The following ARID1A variants were observed in gnomAD, a reference collection of about 807,000 sequenced individuals.
ARID1A encodes AT-rich interaction domain 1A.
A neutral mutation model predicts 212.6 loss-of-function variants in ARID1A; 20 were observed. That is an observed-to-expected ratio of 0.09 (90% confidence interval 0.07 to 0.14). ARID1A has a LOEUF of 0.14. ARID1A is among the 10% of genes least tolerant of loss of function. The probability of loss-of-function intolerance (pLI) is 1.00; values close to 1 mark genes in which losing one functional copy is unlikely to be tolerated. For missense variants in ARID1A, 2,587 were observed against 3,059.0 expected (o/e 0.85, Z 3.64); for synonymous variants, 1,376 against 1,222.1 (o/e 1.13, Z -2.63).
At position 26,756,306 on chromosome 1, in the gene ARID1A, G is replaced by A. The variant is rs1312206471; in HGVS notation, c.1921-4550G>A. On this transcript the variant is annotated intron_variant, in intron 4 of 19. Transcript: ENST00000324856. ...CGTGGTGGCTCATGCCTGTAATACC[G>A]GCATTTTGGGAGGCCAAGGTGGGCG... 4.6e-5 allele frequency among the ~76,000 whole-genome samples: 7 copies of A among 151,870 alleles called. No homozygotes were observed. In the South Asian group the frequency reaches 1.0e-3, roughly 23 times the overall value.
At chr1:26,728,119 TGTA>T (rs902365113) in intron 1 of ARID1A, among the ~76,000 whole-genome samples, 3 of 152,222 alleles carry the variant, frequency 2.0e-5, no homozygotes, top group Non-Finnish European at 2.9e-5. Flanking sequence ...AATATTGACA[TGTA>T]GTAGTGATTT....
chr1:26,736,827 A>G (rs1165336700), intron 4 of ARID1A, among the ~76,000 whole-genome samples: 1 of 146,590 alleles, frequency 6.8e-6, no homozygotes, highest in Non-Finnish European at 1.5e-5. Flanking sequence ...GCTTCAATCC[A>G]GGAGGCAGAG....
chr1:26,766,158 A>C, intron 8 of ARID1A, 63 bp from the exon 9 acceptor site: 1 of 1,554,646 alleles, frequency 6.4e-7, no homozygotes, highest in Non-Finnish European at 8.7e-7. Flanking sequence ...ATTTGGCTCC[A>C]GTTCAAATCT....
intron 19 of ARID1A, chr1:26,775,982 C>T: frequency 1.8e-6 from 1 of 550,946 alleles, no homozygotes; most frequent in Non-Finnish European, 3.4e-6. Context: ...CAATCGATGC[C>T]AGTGGGGACA....
chr1:26,718,505 G>A (rs994399365), intron 1 of ARID1A, among the ~76,000 whole-genome samples: 3 of 152,066 alleles, frequency 2.0e-5, no homozygotes, highest in Admixed American at 6.6e-5. Flanking sequence ...AATGCCCCTC[G>A]GTATCCGTAG....
chr1:26,760,594 CAGG>C (rs1292542707), intron 4 of ARID1A, among the ~76,000 whole-genome samples: 1 of 151,936 alleles, frequency 6.6e-6, no homozygotes, highest in Non-Finnish European at 1.5e-5. Flanking sequence ...GAGGCTGAGG[CAGG>C]AGAATTGCTT....
In ARID1A at chr1:26,750,459, G is replaced by A. The variant is rs2080874204; in HGVS notation, c.1921-10397G>A. Among the ~76,000 whole-genome samples the A allele has an allele frequency of 2.0e-5, 3 of 152,160 alleles. No homozygotes were observed. In the South Asian group the frequency reaches 6.2e-4, roughly 31 times the overall value. ...CTCTGTGGCCAGAGGGTTGAAGCTT[G>A]CTTGGCTTTTAAAGCCTCTAGAAAG... On this transcript the variant is annotated intron_variant, in intron 4 of 19. Transcript: ENST00000324856.
chr1:26,764,505 A>G (rs1010079124), intron 8 of ARID1A: 1 of 151,882 alleles, frequency 6.6e-6, no homozygotes, highest in African/African-American at 2.4e-5. Context: ...CTACGTGTTG[A>G]CTCTGGTGCT....
chr1:26,778,319 G>A (rs2081156582), intron 19 of ARID1A: 1 of 151,570 alleles, frequency 6.6e-6, no homozygotes. Context: ...CCAGCCCCTA[G>A]ATCTAATTCG....
chr1:26,699,187 T>C (rs1241688927), intron 1 of ARID1A, among the ~76,000 whole-genome samples: 1 of 152,234 alleles, frequency 6.6e-6, no homozygotes, highest in Non-Finnish European at 1.5e-5. Context: ...TTTTCTTGTC[T>C]TCCAAGATAT....
intron 8 of ARID1A, chr1:26,765,984 G>A: frequency 2.1e-6 from 1 of 471,578 alleles, no homozygotes; most frequent in Non-Finnish European, 3.7e-6. Flanking sequence ...TAAGGCTGCA[G>A]TAAGCTATGA....
intron 4 of ARID1A, among the ~76,000 whole-genome samples, chr1:26,757,557 A>G (rs1401383545): frequency 1.3e-5 from 2 of 152,074 alleles, no homozygotes; most frequent in Non-Finnish European, 2.9e-5. Flanking sequence ...CAACAGAAGG[A>G]CAGCTGTGGG....
chr1:26,724,368 T>A (rs1033706117), intron 1 of ARID1A, among the ~76,000 whole-genome samples: 1 of 152,198 alleles, frequency 6.6e-6, no homozygotes. Flanking sequence ...TGCCGCCTGG[T>A]CACTTCTTTC....
chr1:26,744,109 A>G (rs1368006678), intron 4 of ARID1A, among the ~76,000 whole-genome samples: 1 of 152,110 alleles, frequency 6.6e-6, no homozygotes, highest in East Asian at 1.9e-4. Context: ...CCAGACTGCT[A>G]AGAGCAGCAT....
rs1242011933 is a variant in ARID1A, at chr1:26,772,956, A to C, written c.3684A>C (p.Pro1228=). 1 of 1,613,092 alleles carries C rather than the reference A, an allele frequency of 6.2e-7. No homozygotes were observed. The highest frequency in any genetic ancestry group is 1.7e-5 in the Admixed American group (1 of 59,956). Residue 1228 remains proline, a synonymous_variant, in exon 14 of 20, where the codon CCA becomes CCC. Transcript: ENST00000324856. ...SDMMGRMSYE[P]NKDPYGSMRK... ...TGATGGGGCGCATGTCCTATGAGCC[A>C]AATAAGGATCCTTATGGCAGCATGA...
rs2124081271 is a variant in ARID1A at position 26,766,458 on chromosome 1, G to T, written c.2880G>T (p.Gly960=). 1 of 1,614,010 alleles carries T rather than the reference G, an allele frequency of 6.2e-7. No individual in the cohort carries two copies. The highest frequency in any genetic ancestry group is 8.5e-7 in the Non-Finnish European group (1 of 1,180,002). Residue 960 remains glycine, a splice_region_variant and synonymous_variant, in exon 10 of 20, where the codon GGG becomes GGT. Coordinates refer to ENST00000324856, the MANE Select transcript of ARID1A (RefSeq NM_006015.6). Reference sequence around the variant, plus strand: ...TGAGAATTTTTTTCTCTTTTACAGGGATGGCAGCCAGCCCAGAGATGATGG... The same window carrying T: ...TGAGAATTTTTTTCTCTTTTACAGGTATGGCAGCCAGCCCAGAGATGATGG... The part of the protein sequence containing the change: ...MGGTMANNSA[G]MAASPEMMGL...
At chr1:26,714,030 A>G (rs1017300877) in intron 1 of ARID1A, among the ~76,000 whole-genome samples, 32 of 152,244 alleles carry the variant, frequency 2.1e-4, no homozygotes, top group African/African-American at 7.2e-4. Context: ...CCAAAGGGAA[A>G]TTTTGAGGCA....
chr1:26,735,274 C>G lies in ARID1A; in HGVS notation c.1920+2482C>G, dbSNP rs139720469. Among the ~76,000 whole-genome samples the G allele has an allele frequency of 9.9e-5, 15 of 151,228 alleles. No homozygotes were observed. In the East Asian group the frequency reaches 2.5e-3, roughly 25 times the overall value. On this transcript the variant is annotated intron_variant, in intron 4 of 19. Coordinates refer to ENST00000324856, the MANE Select transcript of ARID1A (RefSeq NM_006015.6). Reference sequence around the variant, plus strand: ...CCGAGTAGCTGGGTTTACAGGTGCTCGCCACTACGCCCAACTAATTTATTT... The same window carrying G: ...CCGAGTAGCTGGGTTTACAGGTGCTGGCCACTACGCCCAACTAATTTATTT...
chr1:26,771,597 CAA>C lies in ARID1A; in HGVS notation c.3406+272_3406+273del. On this transcript the variant is annotated intron_variant, in intron 12 of 19. Coordinates refer to ENST00000324856, the MANE Select transcript of ARID1A (RefSeq NM_006015.6). This position sits in a 1 kb window ranked among gnomAD's most constrained non-coding sequence, Gnocchi z 5.4. ...TGTAAACTGGTGAATGGGAGGGGCACAAGAGGAGTCGGTGGAACTTATAAATG... is the reference window on the plus strand; with the variant it reads ...TGTAAACTGGTGAATGGGAGGGGCACGAGGAGTCGGTGGAACTTATAAATG... 2.0e-6 allele frequency: 1 copy of C among 489,770 alleles called. No homozygotes were observed. The highest frequency in any genetic ancestry group is 2.5e-5 in the South Asian group (1 of 40,430). The allele number at this position is 489,770 out of a possible 1,614,324, so 30.3% of individuals were successfully genotyped here. A position where few individuals can be genotyped will look rare whatever the true frequency, so the allele number is the denominator to read the frequency against.
Sources: gnomAD v4.1 joint callset for allele counts (sites outside exome capture counted in the v4.1 genomes callset) on GRCh38, gnomAD v4.1.1 for gene constraint, Gnocchi (gnomAD v3.1) non-coding constraint, MANE v1.5 for transcripts, NCBI Gene and HGNC (gene_info 2026-07-23, HGNC 2026-07-21) for gene names.